Variants in GNG12 observed in about 807,000 individuals in gnomAD.
GNG12 encodes guanine nucleotide-binding protein G(I)/G(S)/G(O) subunit gamma-12.
For missense variants in GNG12, 69 were observed against 83.8 expected (o/e 0.82, Z 0.69); for synonymous variants, 28 against 29.7 (o/e 0.94, Z 0.19).
chr1:67,824,274 C>G (rs1219133905), intron 1 of GNG12, among the ~76,000 whole-genome samples: 1 of 152,004 alleles, frequency 6.6e-6, no homozygotes, highest in Non-Finnish European at 1.5e-5. Flanking sequence ...CTTTGGGAGG[C>G]TGAGGCTGGC....
intron 1 of GNG12, among the ~76,000 whole-genome samples, chr1:67,814,252 C>A (rs1192211704): frequency 6.6e-6 from 1 of 152,196 alleles, no homozygotes; most frequent in Admixed American, 6.5e-5. Flanking sequence ...TCTACACTGC[C>A]AGCCATGAGC....
At chr1:67,796,823 C>T (rs1646834105) in intron 1 of GNG12, among the ~76,000 whole-genome samples, 3 of 152,138 alleles carry the variant, frequency 2.0e-5, no homozygotes, top group African/African-American at 4.8e-5. Flanking sequence ...ATTGGGCTCA[C>T]AGTTCTGCAG....
intron 1 of GNG12, among the ~76,000 whole-genome samples, chr1:67,795,699 A>C (rs966879239): frequency 6.6e-6 from 1 of 152,222 alleles, no homozygotes; most frequent in African/African-American, 2.4e-5. Context: ...GAAACGCTGG[A>C]AACAACCCAA....
chr1:67,749,486 A>T (rs1646526276), intron 2 of GNG12, among the ~76,000 whole-genome samples: 1 of 152,198 alleles, frequency 6.6e-6, no homozygotes, highest in Admixed American at 6.5e-5. Context: ...GAGGAATGTC[A>T]TCCTTTCCCC....
intron 1 of GNG12, among the ~76,000 whole-genome samples, chr1:67,789,417 A>T (rs892243295): frequency 2.0e-5 from 3 of 152,180 alleles, no homozygotes; most frequent in Non-Finnish European, 4.4e-5. Flanking sequence ...ACTTTTCATT[A>T]GCCTTAGAAA....
intron 2 of GNG12, among the ~76,000 whole-genome samples, chr1:67,747,422 T>TA (rs1206599605): frequency 6.6e-6 from 1 of 152,136 alleles, no homozygotes; most frequent in African/African-American, 2.4e-5. Context: ...GCCTAGCCCA[T>TA]AAAAAATCTA....
chr1:67,821,175 A>C (rs1479905773), intron 1 of GNG12, among the ~76,000 whole-genome samples: 1 of 152,224 alleles, frequency 6.6e-6, no homozygotes, highest in Non-Finnish European at 1.5e-5. Context: ...CAACATGTGA[A>C]TATATTACAT....
At chr1:67,735,906 A>G (rs535504975) in intron 2 of GNG12, among the ~76,000 whole-genome samples, 1 of 152,342 alleles carries the variant, frequency 6.6e-6, no homozygotes, top group African/African-American at 2.4e-5. Flanking sequence ...GGATCTTCTG[A>G]TAACATAACA....
chr1:67,811,658 A>G (rs1646926501), intron 1 of GNG12, among the ~76,000 whole-genome samples: 1 of 152,188 alleles, frequency 6.6e-6, no homozygotes, highest in African/African-American at 2.4e-5. Context: ...ACTTGATGTT[A>G]CACTGCCTGT....
At chr1:67,832,059 T>C (rs1570584441) in intron 1 of GNG12, among the ~76,000 whole-genome samples, 5 of 152,308 alleles carry the variant, frequency 3.3e-5, no homozygotes, top group Admixed American at 3.3e-4. Context: ...AGATTCATTA[T>C]ACACAGCCTA....
At chr1:67,786,935 ATGTGTGTGTGTGTGTG>A (rs60096043) in intron 1 of GNG12, among the ~76,000 whole-genome samples, 10,631 of 133,438 alleles carry the variant, frequency 0.08, 635 homozygotes, top group Non-Finnish European at 0.11. Flanking sequence ...TTATATATAT[ATGTGTGTGTGTGTGTG>A]TGTGTGTGTG....
At position 67,782,010 on chromosome 1, in the gene GNG12, T is replaced by A. The variant is rs191292613; in HGVS notation, c.-76-4503A>T. Among the ~76,000 whole-genome samples, 9 of 152,280 alleles carry A rather than the reference T, an allele frequency of 5.9e-5. No homozygotes were observed. The East Asian group carries it at 1.7e-3, about 29-fold the overall frequency. ...CACTTCCCCAGTTGTATGAGCCACA[T>A]TTCAAGTGGCCAAGCAGCCACAGAG... On this transcript the variant is annotated intron_variant, in intron 1 of 3. Coordinates refer to ENST00000370982, the MANE Select transcript of GNG12 (RefSeq NM_018841.6).
chr1:67,808,884 T>C (rs1242610254), intron 1 of GNG12, among the ~76,000 whole-genome samples: 1 of 152,160 alleles, frequency 6.6e-6, no homozygotes, highest in Non-Finnish European at 1.5e-5. Context: ...GACCTATAGA[T>C]TCAGTGCAAT....
At chr1:67,799,125 C>T (rs1221891065) in intron 1 of GNG12, among the ~76,000 whole-genome samples, 2 of 152,150 alleles carry the variant, frequency 1.3e-5, no homozygotes, top group Non-Finnish European at 2.9e-5. Context: ...GGCTTGTCAA[C>T]AGCAGGCTAT....
intron 2 of GNG12, chr1:67,777,108 A>T (rs1481719851): frequency 6.6e-6 from 1 of 152,208 alleles, no homozygotes; most frequent in Non-Finnish European, 1.5e-5. Context: ...TCATTACAAC[A>T]CACTACAAGA....
chr1:67,729,726 T>C (rs1646408249), intron 2 of GNG12, among the ~76,000 whole-genome samples: 1 of 152,138 alleles, frequency 6.6e-6, no homozygotes, highest in Non-Finnish European at 1.5e-5. Context: ...GGGAAAGGGG[T>C]GCTCAGAGCA....
At chr1:67,780,842 T>A (rs1646733604) in intron 1 of GNG12, among the ~76,000 whole-genome samples, 1 of 152,140 alleles carries the variant, frequency 6.6e-6, no homozygotes, top group African/African-American at 2.4e-5. Flanking sequence ...TAGAACTAAG[T>A]AATAACATGC....
At chr1:67,803,753 T>C (rs1570562889) in intron 1 of GNG12, among the ~76,000 whole-genome samples, 1 of 152,222 alleles carries the variant, frequency 6.6e-6, no homozygotes, top group African/African-American at 2.4e-5. Context: ...GCAAGATGAA[T>C]ACTTAGCACA....
In GNG12 at chr1:67,766,104, ACG is replaced by A. The variant is rs1190025272; in HGVS notation, c.-27+11352_-27+11353del. ...AAAACTCAAACAAAACAAGGCACAC[ACG>A]CACACACACACACACACACACACAC... is the stretch of plus-strand genomic sequence containing the variant. On this transcript the variant is annotated intron_variant, in intron 2 of 3. Transcript: ENST00000370982. Among the ~76,000 whole-genome samples, 23 of 135,516 alleles carry A rather than the reference ACG, an allele frequency of 1.7e-4. No homozygotes were observed. The East Asian group carries it at 2.1e-3, about 12-fold the overall frequency. 88.9% of individuals were successfully genotyped at this position (135,516 alleles called of 152,430 possible).
Sources: gnomAD v4.1 joint callset for allele counts (sites outside exome capture counted in the v4.1 genomes callset) on GRCh38, gnomAD v4.1.1 for gene constraint, MANE v1.5 for transcripts, NCBI Gene and HGNC (gene_info 2026-07-23, HGNC 2026-07-21) for gene names.